The following ASIC2 variants were observed in gnomAD, a reference collection of about 807,000 sequenced individuals.
ASIC2 encodes acid-sensing ion channel 2.
ASIC2 carries 25 observed loss-of-function variants against 57.3 expected under a neutral mutation model. The observed-to-expected ratio is 0.44, with a 90% confidence interval of 0.32 to 0.61. The LOEUF (loss-of-function observed/expected upper bound fraction) is 0.61. Ranked by LOEUF, ASIC2 falls within the 20% of genes least tolerant of loss-of-function variation. ASIC2 has a pLI of 0.06. For synonymous variants in ASIC2, 319 were observed against 307.5 expected, an observed-to-expected ratio of 1.04 and a Z score of -0.39; for missense variants, 641 against 738.1, an observed-to-expected ratio of 0.87 and a Z score of 1.52.
chr17:33,018,193 T>C (rs1267184758), intron 7 of ASIC2, among the ~76,000 whole-genome samples: 7 of 152,218 alleles, frequency 4.6e-5, no homozygotes, highest in African/African-American at 1.7e-4. Context: ...CAAAAGTTAG[T>C]GTGCAATTTT....
chr17:33,130,162 G>A (rs186322075), intron 1 of ASIC2, among the ~76,000 whole-genome samples: 10 of 152,198 alleles, frequency 6.6e-5, no homozygotes, highest in African/African-American at 2.4e-4. Context: ...GTTAATAGGG[G>A]TTCAGCACAA....
intron 7 of ASIC2, among the ~76,000 whole-genome samples, chr17:33,020,198 G>C (rs7223200): frequency 0.038 from 5,759 of 152,206 alleles, 360 homozygotes; most frequent in African/African-American, 0.13. Flanking sequence ...CCCTGGCATA[G>C]TGATTGTCCA....
At chr17:34,023,388 C>T (rs1907257551) in intron 1 of ASIC2, among the ~76,000 whole-genome samples, 1 of 151,548 alleles carries the variant, frequency 6.6e-6, no homozygotes, top group Non-Finnish European at 1.5e-5. Context: ...AACACACACA[C>T]ACACACACAC....
At chr17:33,422,237 C>A (rs1911070046) in intron 1 of ASIC2, among the ~76,000 whole-genome samples, 3 of 152,212 alleles carry the variant, frequency 2.0e-5, no homozygotes, top group African/African-American at 4.8e-5. Context: ...TTCTCAAGGG[C>A]AGGAAACTTC....
chr17:33,266,226 ATG>A (rs1205337440), intron 1 of ASIC2, among the ~76,000 whole-genome samples: 3 of 152,120 alleles, frequency 2.0e-5, no homozygotes, highest in African/African-American at 7.2e-5. Context: ...TACAACACAC[ATG>A]TGTTTTTATC....
Position 33,197,619 on chromosome 17 carries a change from G to A in ASIC2, c.709-85552C>T, listed in dbSNP as rs149516658. Among the ~76,000 whole-genome samples, 16 of 152,328 alleles carry A rather than the reference G, an allele frequency of 1.1e-4. No homozygotes were observed. In the East Asian group the frequency reaches 2.9e-3, roughly 28 times the overall value. On this transcript the variant is annotated intron_variant, in intron 1 of 9. Coordinates refer to ENST00000225823, the MANE Select transcript of ASIC2 (RefSeq NM_183377.2). ...TGAATGCACCCTCTCCTCCCAAGGG[G>A]TTGCAGTTTGATGTGGAGTGTCCAG...
chr17:33,221,737 C>T (rs1178017217), intron 1 of ASIC2, among the ~76,000 whole-genome samples: 1 of 152,026 alleles, frequency 6.6e-6, no homozygotes, highest in Non-Finnish European at 1.5e-5. Context: ...GTTTATTGTA[C>T]AGGAAAATCG....
chr17:34,004,215 G>A (rs1005668465), intron 1 of ASIC2: 23 of 150,874 alleles, frequency 1.5e-4, no homozygotes, highest in African/African-American at 5.7e-4. Context: ...AAAAGGAAAA[G>A]GAAGGCTGTA....
Position 34,031,908 on chromosome 17 carries a change from G to A in ASIC2, c.555+124070C>T, listed in dbSNP as rs145474956. Among the ~76,000 whole-genome samples, 502 of 152,312 alleles carry A rather than the reference G, an allele frequency of 3.3e-3. 2 individuals are homozygous for A. Among genetic ancestry groups the A allele is most frequent in the African/African-American group, 0.011 (473 of 41,562 alleles). ...TGATTGATTTACCTGAAAGTGACGGGGAGAATGGAACCAAGTTGGAAAACA... is the reference window on the plus strand; with the variant it reads ...TGATTGATTTACCTGAAAGTGACGGAGAGAATGGAACCAAGTTGGAAAACA... On this transcript the variant is annotated intron_variant, in intron 1 of 9. Transcript: ENST00000359872.
chr17:33,970,279 G>C (rs935686322), intron 1 of ASIC2, among the ~76,000 whole-genome samples: 6 of 152,164 alleles, frequency 3.9e-5, no homozygotes, highest in South Asian at 4.1e-4. Flanking sequence ...GAACCAGTGG[G>C]GTAGTTGGAT....
At chr17:33,119,271 G>C (rs1392116753) in intron 1 of ASIC2, among the ~76,000 whole-genome samples, 1 of 152,124 alleles carries the variant, frequency 6.6e-6, no homozygotes, top group Non-Finnish European at 1.5e-5. Context: ...GCTCCAAAAT[G>C]CCTCTAAAAC....
At chr17:33,846,602 A>G (rs752541749) in intron 1 of ASIC2, among the ~76,000 whole-genome samples, 1 of 152,128 alleles carries the variant, frequency 6.6e-6, no homozygotes, top group Non-Finnish European at 1.5e-5. Context: ...GGCATTTCCA[A>G]TCTGACTCCT....
At position 33,036,462 on chromosome 17, in the gene ASIC2, G is replaced by A. The variant is rs183473285; in HGVS notation, c.988-8070C>T. On this transcript the variant is annotated intron_variant, in intron 3 of 9. Transcript: ENST00000225823. ...TAGTTAGTTTTAGAGACAGAGTCTT[G>A]CTTTATCACCCAGGCTGGAGTGCAG... Among the ~76,000 whole-genome samples the A allele has an allele frequency of 8.5e-4, 129 of 152,206 alleles. 1 individual carries two copies. The highest frequency in any genetic ancestry group is 1.3e-3 in the Non-Finnish European group (87 of 68,018).
At position 33,708,816 on chromosome 17, in the gene ASIC2, A is replaced by G. The variant is rs1430671274; in HGVS notation, c.555+447162T>C. Reference sequence around the variant, plus strand: ...TCTCCTCCTTCTCTTCAAGATCTCAATGATCCTTTACCCAACTCTGACTCC... The same window carrying G: ...TCTCCTCCTTCTCTTCAAGATCTCAGTGATCCTTTACCCAACTCTGACTCC... On this transcript the variant is annotated intron_variant, in intron 1 of 9. Coordinates refer to the ASIC2 transcript ENST00000359872. 3.3e-5 allele frequency among the ~76,000 whole-genome samples: 5 copies of G among 152,160 alleles called. No homozygotes were observed. In the East Asian group the frequency reaches 7.7e-4, roughly 24 times the overall value.
At chr17:33,544,529 C>G (rs1200088609) in intron 1 of ASIC2, among the ~76,000 whole-genome samples, 1 of 152,146 alleles carries the variant, frequency 6.6e-6, no homozygotes, top group Non-Finnish European at 1.5e-5. Context: ...AGGTTTTGTT[C>G]AGCTACATTT....
chr17:33,150,696 A>C lies in ASIC2; in HGVS notation c.709-38629T>G, dbSNP rs182663611. 2.7e-5 allele frequency among the ~76,000 whole-genome samples: 3 copies of C among 110,076 alleles called. 1 individual carries two copies. Among genetic ancestry groups the C allele is most frequent in the Non-Finnish European group, 5.6e-5 (3 of 53,228 alleles). The allele number at this position is 110,076 out of a possible 152,430, so 72.2% of individuals were successfully genotyped here. ...AAACCCTGTCTCTACTAAAAATACA[A>C]AAAATTAGCCGGGCGTAGTGGCGGG... On this transcript the variant is annotated intron_variant, in intron 1 of 9. Coordinates refer to ENST00000225823, the MANE Select transcript of ASIC2 (RefSeq NM_183377.2).
rs1567818979 is a variant in ASIC2 at position 34,095,670 on chromosome 17, T to TATATATATATAATTTTATATATATAG, written c.555+60307_555+60308insCTATATATATAAAATTATATATATAT. The stretch of plus-strand genomic sequence containing the variant: ...ATATATATATAATTTTATATATATA[T>TATATATATATAATTTTATATATATAG]AGAGAGAGAGATATATATAATTTTA... On this transcript the variant is annotated intron_variant, in intron 1 of 9. Transcript: ENST00000359872. Among the ~76,000 whole-genome samples, 28 of 92,778 alleles carry TATATATATATAATTTTATATATATAG rather than the reference T, an allele frequency of 3.0e-4. No homozygotes were observed. In the Middle Eastern group the frequency reaches 0.02, roughly 67 times the overall value. 60.9% of individuals were successfully genotyped at this position (92,778 alleles called of 152,430 possible).
chr17:33,952,956 A>T (rs977854453), intron 1 of ASIC2, among the ~76,000 whole-genome samples: 3 of 152,216 alleles, frequency 2.0e-5, no homozygotes, highest in Admixed American at 2.0e-4. Flanking sequence ...AAATATGTAT[A>T]GTAGGCTAGA....
At chr17:33,601,432 T>C (rs1905112706) in intron 1 of ASIC2, among the ~76,000 whole-genome samples, 1 of 152,182 alleles carries the variant, frequency 6.6e-6, no homozygotes, top group African/African-American at 2.4e-5. Context: ...TACTCTTTGG[T>C]TGCCCCAGCT....
Sources: allele counts gnomAD v4.1 joint callset (sites outside exome capture counted in the v4.1 genomes callset), GRCh38; gene constraint gnomAD v4.1.1; transcripts MANE v1.5; gene names NCBI Gene and HGNC (gene_info 2026-07-23, HGNC 2026-07-21).